Variants in ICA1L observed in about 807,000 individuals in gnomAD.
ICA1L encodes islet cell autoantigen 1-like protein.
Under a neutral mutation model 61.3 loss-of-function variants are expected in ICA1L, and 50 were observed. The observed-to-expected ratio is 0.82, with a 90% CI of 0.65 to 1.03. ICA1L has a LOEUF of 1.03. ICA1L is among the 50% of genes least tolerant of loss of function. The pLI, the probability that ICA1L is intolerant of heterozygous loss-of-function variation, is 0.00. For missense variants in ICA1L, 508 were observed against 556.7 expected, an observed-to-expected ratio of 0.91 and a Z score of 0.88; for synonymous variants, 161 against 191.3, an observed-to-expected ratio of 0.84 and a Z score of 1.31.
chr2:202,806,306 C>T (rs1693225158), intron 9 of ICA1L, among the ~76,000 whole-genome samples: 1 of 152,166 alleles, frequency 6.6e-6, no homozygotes, highest in African/African-American at 2.4e-5. Context: ...GCCCTCATTC[C>T]AAGCCCTAGC....
At chr2:202,857,556 T>C (rs1694800318) in intron 1 of ICA1L, among the ~76,000 whole-genome samples, 1 of 152,006 alleles carries the variant, frequency 6.6e-6, no homozygotes, top group Non-Finnish European at 1.5e-5. Context: ...CTTCAGGACA[T>C]AGGAATGAGC....
chr2:202,807,818 C>G (rs1693266115), intron 9 of ICA1L, among the ~76,000 whole-genome samples: 2 of 152,070 alleles, frequency 1.3e-5, no homozygotes, highest in Admixed American at 1.3e-4. Context: ...AGTCCCAAGG[C>G]CCTCATTCCA....
rs1191259751 is a variant in ICA1L, at chr2:202,796,984, A to G, written c.911-20T>C. The G allele has an allele frequency of 6.5e-7, 1 of 1,536,742 alleles. No homozygotes were observed. Among genetic ancestry groups the G allele is most frequent in the Admixed American group, 1.9e-5 (1 of 53,730 alleles). Reference sequence around the variant, plus strand: ...TGTTTGCTAAATCAAAAGCACATAAAAGAGAAGTTGAACAAGAAGAAATTC... The same window carrying G: ...TGTTTGCTAAATCAAAAGCACATAAGAGAGAAGTTGAACAAGAAGAAATTC... On this transcript the variant is annotated intron_variant, in intron 9 of 12. Coordinates refer to ENST00000358299, the MANE Select transcript of ICA1L (RefSeq NM_001288622.3).
intron 11 of ICA1L, among the ~76,000 whole-genome samples, chr2:202,788,000 A>C (rs956467565): frequency 1.3e-5 from 2 of 152,216 alleles, no homozygotes; most frequent in African/African-American, 4.8e-5. Context: ...GCACAGATAG[A>C]TGCATCAGAG....
rs374256778 is a variant in ICA1L, at chr2:202,773,437, T to C, written c.*6096A>G. 1 of 205,884 alleles carries C rather than the reference T, an allele frequency of 4.9e-6. No individual in the cohort carries two copies. Among genetic ancestry groups the C allele is most frequent in the Admixed American group, 5.3e-5 (1 of 18,926 alleles). 12.8% of individuals were successfully genotyped at this position (205,884 alleles called of 1,614,324 possible). ...TTCAATGACTCTTAGATGAATGGAA[T>C]AAGAAGTAGTCATCACATGTCAATT... On this transcript the variant is annotated 3_prime_UTR_variant, in exon 13 of 13. Transcript: ENST00000358299.
intron 1 of ICA1L, among the ~76,000 whole-genome samples, chr2:202,857,663 G>T (rs1459706567): frequency 6.6e-6 from 1 of 152,102 alleles, no homozygotes; most frequent in Non-Finnish European, 1.5e-5. Flanking sequence ...CACAGCAAAA[G>T]AAACTATCAT....
At chr2:202,780,920 CATG>C (rs1692382683) in intron 12 of ICA1L, among the ~76,000 whole-genome samples, 1 of 152,110 alleles carries the variant, frequency 6.6e-6, no homozygotes. Context: ...TATGATTCAT[CATG>C]ATATCAGGAT....
At chr2:202,869,326 C>T (rs1341107885) in intron 1 of ICA1L, among the ~76,000 whole-genome samples, 2 of 152,132 alleles carry the variant, frequency 1.3e-5, no homozygotes, top group South Asian at 2.1e-4. Context: ...CCACTGCACT[C>T]AGCCTGGGCG....
chr2:202,862,272 C>CCAAAAAAAAAAAAAAAAAAAAAAAAAAAA (rs1462555700), intron 1 of ICA1L, among the ~76,000 whole-genome samples: 2 of 62,978 alleles, frequency 3.2e-5, no homozygotes, highest in Non-Finnish European at 5.2e-5. Context: ...CTCATTTCTA[C>CCAAAAAAAAAAAAAAAAAAAAAAAAAAAA]AAAAAAAAAA....
chr2:202,864,404 T>C (rs1190569866), intron 1 of ICA1L, among the ~76,000 whole-genome samples: 10 of 152,068 alleles, frequency 6.6e-5, no homozygotes, highest in Admixed American at 6.6e-4. Context: ...CCACCACGCC[T>C]GGCTAATTTT....
chr2:202,774,761 TG>T lies in ICA1L; in HGVS notation c.*4771del, dbSNP rs1468085657. On this transcript the variant is annotated 3_prime_UTR_variant, in exon 13 of 13. Transcript: ENST00000358299. The stretch of plus-strand genomic sequence containing the variant: ...CATGGGCAAGGTAGCAAGGGAAACT[TG>T]TGGCAGGGGCCACCCATATCACACT... 6.5e-6 allele frequency: 1 copy of T among 154,552 alleles called. No individual in the cohort carries two copies. Among genetic ancestry groups the T allele is most frequent in the Non-Finnish European group, 1.4e-5 (1 of 69,710 alleles). 9.6% of individuals were successfully genotyped at this position (154,552 alleles called of 1,614,324 possible).
intron 2 of ICA1L, among the ~76,000 whole-genome samples, chr2:202,827,074 T>C (rs1191056449): frequency 6.6e-6 from 1 of 152,198 alleles, no homozygotes; most frequent in Non-Finnish European, 1.5e-5. Context: ...AAATCTGTTT[T>C]AAATGCATAT....
At chr2:202,788,324 GT>G (rs1190881189) in intron 11 of ICA1L, among the ~76,000 whole-genome samples, 1 of 152,134 alleles carries the variant, frequency 6.6e-6, no homozygotes, top group Non-Finnish European at 1.5e-5. Flanking sequence ...TTTGAGACAG[GT>G]TTCAGAAACA....
At chr2:202,789,882 C>T (rs77887750) in intron 10 of ICA1L, among the ~76,000 whole-genome samples, 116 of 152,266 alleles carry the variant, frequency 7.6e-4, no homozygotes, top group Middle Eastern at 3.4e-3. Context: ...TCCATATCAC[C>T]AAACCAAACT....
chr2:202,822,449 C>G (rs1012922718), intron 3 of ICA1L, among the ~76,000 whole-genome samples: 1 of 152,130 alleles, frequency 6.6e-6, no homozygotes, highest in African/African-American at 2.4e-5. Flanking sequence ...CAGGCAGGCA[C>G]GAGTCACAGT....
intron 1 of ICA1L, among the ~76,000 whole-genome samples, chr2:202,835,345 A>T (rs1426739389): frequency 4.0e-5 from 6 of 149,700 alleles, no homozygotes; most frequent in African/African-American, 1.5e-4. Flanking sequence ...AGCTGGGATT[A>T]CAGGTGCATG....
intron 5 of ICA1L, among the ~76,000 whole-genome samples, chr2:202,817,869 A>T (rs1460839931): frequency 6.6e-6 from 1 of 152,214 alleles, no homozygotes; most frequent in Non-Finnish European, 1.5e-5. Context: ...CTTAGCTAAG[A>T]GCAGAAGAAT....
chr2:202,792,663 G>C (rs571146444), intron 10 of ICA1L, among the ~76,000 whole-genome samples: 22 of 151,960 alleles, frequency 1.4e-4, no homozygotes, highest in African/African-American at 5.1e-4. Flanking sequence ...CAAATTAGCC[G>C]GGCATGGTGA....
intron 1 of ICA1L, among the ~76,000 whole-genome samples, chr2:202,852,760 T>C (rs1177661343): frequency 6.6e-6 from 1 of 150,456 alleles, no homozygotes; most frequent in Non-Finnish European, 1.5e-5. Context: ...ATGATCACCA[T>C]TCTAACTGGT....
Sources: gnomAD v4.1 joint callset for allele counts (sites outside exome capture counted in the v4.1 genomes callset) on GRCh38, gnomAD v4.1.1 for gene constraint, MANE v1.5 for transcripts, NCBI Gene and HGNC (gene_info 2026-07-23, HGNC 2026-07-21) for gene names.